Variants in RALGAPB observed in about 807,000 individuals in gnomAD.
RALGAPB encodes the protein ral GTPase-activating protein subunit beta.
A neutral mutation model predicts 161.1 loss-of-function variants in RALGAPB; 25 were observed. That is an observed-to-expected ratio of 0.16 (90% CI 0.11 to 0.22). The LOEUF is 0.22. Ranked by LOEUF, RALGAPB falls within the 10% of genes least tolerant of loss-of-function variation. The pLI, the probability that RALGAPB is intolerant of heterozygous loss-of-function variation, is 1.00. For synonymous variants in RALGAPB, 629 were observed against 626.1 expected (o/e 1.00, Z -0.07); for missense variants, 1,391 against 1,815.2 (o/e 0.77, Z 4.25).
chr20:38,493,230 T>A, intron 3 of RALGAPB, 98 bp downstream of exon 3: 1 of 939,246 alleles, frequency 1.1e-6, no homozygotes, highest in Non-Finnish European at 1.6e-6. Context: ...GTTAGTCCTC[T>A]GAACAGTGAC....
chr20:38,542,925 T>C (rs947135199), intron 18 of RALGAPB, among the ~76,000 whole-genome samples: 2 of 152,098 alleles, frequency 1.3e-5, no homozygotes, highest in African/African-American at 4.8e-5. Context: ...AAGAAGGATA[T>C]GGAGAGAAAG....
chr20:38,477,625 A>C (rs2084846573), intron 1 of RALGAPB, among the ~76,000 whole-genome samples: 1 of 152,162 alleles, frequency 6.6e-6, no homozygotes, highest in Non-Finnish European at 1.5e-5. Context: ...TAAAAAAAGC[A>C]CAGTTTATTT....
intron 5 of RALGAPB, among the ~76,000 whole-genome samples, chr20:38,506,768 TA>T (rs1306303533): frequency 6.6e-5 from 10 of 152,296 alleles, no homozygotes; most frequent in African/African-American, 2.4e-4. Context: ...TCAGGTTTGA[TA>T]GGGGGCAAAG....
intron 12 of RALGAPB, 87 bp from the exon 13 acceptor site, chr20:38,525,808 A>G: frequency 7.4e-7 from 1 of 1,357,152 alleles, no homozygotes; most frequent in Non-Finnish European, 1.0e-6. Flanking sequence ...TTCTCATTAT[A>G]CTGATCCGTT....
chr20:38,559,221 A>G (rs1168612962), intron 23 of RALGAPB, among the ~76,000 whole-genome samples: 1 of 152,262 alleles, frequency 6.6e-6, no homozygotes, highest in Admixed American at 6.5e-5. Context: ...GAATAAAACA[A>G]TAGCAACAAA....
At chr20:38,523,201 C>T (rs960001539) in intron 10 of RALGAPB, among the ~76,000 whole-genome samples, 4 of 151,944 alleles carry the variant, frequency 2.6e-5, no homozygotes, top group African/African-American at 9.7e-5. Context: ...TCTAGGTGAC[C>T]ATCAGGACCA....
intron 13 of RALGAPB, among the ~76,000 whole-genome samples, chr20:38,528,574 G>T (rs140416311): frequency 7.2e-5 from 11 of 152,206 alleles, no homozygotes; most frequent in African/African-American, 2.6e-4. Flanking sequence ...TTGCTCTGTT[G>T]CCCAGGCTGG....
At chr20:38,555,069 G>GT (rs1388574445) in intron 22 of RALGAPB, among the ~76,000 whole-genome samples, 8 of 152,186 alleles carry the variant, frequency 5.3e-5, no homozygotes, top group African/African-American at 1.9e-4. Context: ...GGTTGACAGA[G>GT]TGAGACCCTG....
intron 20 of RALGAPB, 60 bp downstream of exon 20, chr20:38,548,855 C>T: frequency 7.4e-7 from 1 of 1,360,018 alleles, no homozygotes; most frequent in East Asian, 2.3e-5. Flanking sequence ...GGTTAGGTAA[C>T]ATTCCAACAG....
At chr20:38,499,816 A>G (rs2085525471) in intron 5 of RALGAPB, 183 bp downstream of exon 5, 1 of 433,990 alleles carries the variant, frequency 2.3e-6, no homozygotes, top group African/African-American at 2.0e-5. Context: ...ACATTTCAGA[A>G]TAATCAAGTA....
chr20:38,518,349 A>G (rs1316678856), intron 9 of RALGAPB, among the ~76,000 whole-genome samples: 1 of 152,208 alleles, frequency 6.6e-6, no homozygotes, highest in Non-Finnish European at 1.5e-5. Flanking sequence ...AAAAATTCGA[A>G]CTGGAAATTT....
intron 5 of RALGAPB, among the ~76,000 whole-genome samples, chr20:38,506,501 C>G (rs754094967): frequency 6.6e-6 from 1 of 152,148 alleles, no homozygotes; most frequent in African/African-American, 2.4e-5. Context: ...TCCATGTTGT[C>G]CAGGCTGGCC....
chr20:38,529,735 C>T (rs1420226060), intron 13 of RALGAPB, among the ~76,000 whole-genome samples: 4 of 148,778 alleles, frequency 2.7e-5, no homozygotes, highest in South Asian at 2.2e-4. Flanking sequence ...TCCAGCTACT[C>T]GGAGGCCGAG....
chr20:38,502,867 A>G (rs558544401), intron 5 of RALGAPB, among the ~76,000 whole-genome samples: 2 of 152,194 alleles, frequency 1.3e-5, no homozygotes, highest in East Asian at 1.9e-4. Flanking sequence ...CTGCCTTCCA[A>G]AGTGCTGGGA....
At chr20:38,532,213 G>A (rs1210079572) in intron 14 of RALGAPB, among the ~76,000 whole-genome samples, 4 of 151,962 alleles carry the variant, frequency 2.6e-5, no homozygotes, top group Non-Finnish European at 5.9e-5. Context: ...CTGCCACTGC[G>A]CCCGGCTAAT....
rs775471719 is a variant in RALGAPB, at chr20:38,493,002, G to A, written c.259G>A (p.Val87Ile). 2.5e-6 allele frequency: 4 copies of A among 1,612,000 alleles called. No individual in the cohort carries two copies. The highest frequency in any genetic ancestry group is 2.7e-5 in the African/African-American group (2 of 74,994). Residue 87 changes from valine (V) to isoleucine (I), a missense_variant, in exon 3 of 30, where the codon GTT (valine) becomes ATT (isoleucine). This residue lies in a region of RALGAPB where 946 missense variants were observed against 1,257.2 expected (regional missense o/e 0.75). Transcript: ENST00000262879. ...GGATGGAGAGACTGTAAAATATTGCGTTGATGTATATACAGACTGGATTAT... is the reference window on the plus strand; with the variant it reads ...GGATGGAGAGACTGTAAAATATTGCATTGATGTATATACAGACTGGATTAT... ...PLDGETVKYC[V>I]DVYTDWIMAL...
At chr20:38,522,187 G>A (rs2086309864) in intron 10 of RALGAPB, among the ~76,000 whole-genome samples, 1 of 152,186 alleles carries the variant, frequency 6.6e-6, no homozygotes, top group Non-Finnish European at 1.5e-5. Context: ...TTACTGTAGG[G>A]GATTCAGGAA....
intron 18 of RALGAPB, among the ~76,000 whole-genome samples, chr20:38,546,021 A>C (rs549973246): frequency 6.6e-6 from 1 of 152,312 alleles, no homozygotes; most frequent in Non-Finnish European, 1.5e-5. Flanking sequence ...TCTGAAATAA[A>C]GACATACAGG....
In RALGAPB at chr20:38,517,609, G is replaced by T; in HGVS notation, c.1155G>T (p.Arg385Ser). Residue 385 changes from arginine (R) to serine (S), a missense_variant, in exon 8 of 30, where the codon AGG (arginine) becomes AGT (serine). Physicochemically the swap from Arg to Ser is moderately radical, Grantham distance 110. Around this residue, in one of 3 missense-constraint regions of RALGAPB, gnomAD observed 946 missense variants for 1,257.2 expected, o/e 0.75. Coordinates refer to ENST00000262879, the MANE Select transcript of RALGAPB (RefSeq NM_020336.4). ...GTACCACCCCCCCACATAACCGGAG[G>T]CACCGGGCTGTTACTGTGAATAAGG... is the stretch of plus-strand genomic sequence containing the variant. ...AVSTTPPHNR[R>S]HRAVTVNKAT... 6.2e-7 allele frequency: 1 copy of T among 1,613,902 alleles called. No homozygotes were observed. Among genetic ancestry groups the T allele is most frequent in the Non-Finnish European group, 8.5e-7 (1 of 1,179,974 alleles).
Sources: allele counts gnomAD v4.1 joint callset (sites outside exome capture counted in the v4.1 genomes callset), GRCh38; gene constraint gnomAD v4.1.1; regional missense constraint gnomAD v4.1.1; transcripts MANE v1.5; gene names NCBI Gene and HGNC (gene_info 2026-07-23, HGNC 2026-07-21).